The following TEX35 variants were observed in gnomAD, a reference collection of about 807,000 sequenced individuals.
TEX35 encodes the protein testis-expressed protein 35.
Under a neutral mutation model 31.9 loss-of-function variants are expected in TEX35, and 26 were observed. The observed-to-expected ratio is 0.81, with a 90% CI of 0.60 to 1.13. The LOEUF is 1.13. TEX35 is among the 50% of genes most tolerant of loss of function. The pLI is 0.00. For missense variants in TEX35, 278 were observed against 273.5 expected (o/e 1.02, Z -0.12); for synonymous variants, 87 against 90.7 (o/e 0.96, Z 0.23).
chr1:178,521,255 T>A lies in TEX35; in HGVS notation c.577T>A (p.Tyr193Asn), dbSNP rs750556920. The A allele has an allele frequency of 6.2e-7, 1 of 1,614,240 alleles. No individual in the cohort carries two copies. The highest frequency in any genetic ancestry group is 1.1e-5 in the South Asian group (1 of 91,090). ...KCLLCALKNN[Y>N]NRGNIPSEAS... is the part of the protein sequence containing the mutation. Reference sequence around the variant, plus strand: ...TTTGTTGTGTGCTCTAAAGAACAACTACAATCGGGGTAGGTAGATTCATAC... The same window carrying A: ...TTTGTTGTGTGCTCTAAAGAACAACAACAATCGGGGTAGGTAGATTCATAC... The change falls in exon 8 of 9, where the codon TAC becomes AAC. Residue 193 changes from tyrosine (Y) to asparagine (N), a missense_variant. Coordinates refer to ENST00000319416, the MANE Select transcript of TEX35 (RefSeq NM_032126.5).
intron 6 of TEX35, 96 bp from the exon 7 acceptor site, chr1:178,520,577 A>C: frequency 6.3e-7 from 1 of 1,593,774 alleles, no homozygotes; most frequent in Non-Finnish European, 8.6e-7. Flanking sequence ...ACTTGGAGTC[A>C]AGGCCTTCCA....
At chr1:178,517,210 A>G (rs559647222) in intron 5 of TEX35, among the ~76,000 whole-genome samples, 2 of 152,344 alleles carry the variant, frequency 1.3e-5, no homozygotes, top group South Asian at 4.1e-4. Flanking sequence ...CATTAGCCTT[A>G]CCAGATATTA....
At chr1:178,521,965 C>T (rs997891828) in intron 8 of TEX35, 4 of 961,816 alleles carry the variant, frequency 4.2e-6, no homozygotes, top group African/African-American at 1.7e-5. Context: ...TTAGGGTCCT[C>T]CCAACCACCA....
intron 5 of TEX35, among the ~76,000 whole-genome samples, chr1:178,519,343 C>A (rs750743210): frequency 6.6e-6 from 1 of 151,972 alleles, no homozygotes; most frequent in Non-Finnish European, 1.5e-5. Flanking sequence ...AAAGTGGTGA[C>A]GATGACAATG....
At position 178,522,647 on chromosome 1, in the gene TEX35, G is replaced by T; in HGVS notation, c.*207G>T. On this transcript the variant is annotated 3_prime_UTR_variant, in exon 9 of 9. Transcript: ENST00000319416. ...TACCATCTAATAAATAATTGGCCAA[G>T]TTCTTTTTTTTTGGAATTTTATTAT... 8.1e-7 allele frequency: 1 copy of T among 1,234,694 alleles called. No homozygotes were observed. The highest frequency in any genetic ancestry group is 1.0e-6 in the Non-Finnish European group (1 of 988,392). The allele number at this position is 1,234,694 out of a possible 1,614,324, so 76.5% of individuals were successfully genotyped here.
intron 6 of TEX35, 98 bp downstream of exon 6, chr1:178,520,534 G>C: frequency 1.9e-6 from 3 of 1,607,642 alleles, no homozygotes; most frequent in Non-Finnish European, 2.5e-6. Context: ...CCAGACTCTT[G>C]GAGGAGTTGT....
At position 178,521,044 on chromosome 1, in the gene TEX35, G is replaced by A. The variant is rs1650259503; in HGVS notation, c.543+170G>A. ...CTCCCTGACCTGCCTTGCCTTCTAGGCCTGTGGAGCCTCCTTAGCTGTGAC... is the reference window on the plus strand; with the variant it reads ...CTCCCTGACCTGCCTTGCCTTCTAGACCTGTGGAGCCTCCTTAGCTGTGAC... On this transcript the variant is annotated intron_variant, in intron 7 of 8. Coordinates refer to ENST00000319416, the MANE Select transcript of TEX35 (RefSeq NM_032126.5). 3 of 1,545,624 alleles carry A rather than the reference G, an allele frequency of 1.9e-6. No individual in the cohort carries two copies. The South Asian group carries it at 3.8e-5, about 19-fold the overall frequency.
downstream of TEX35, chr1:178,523,346 T>G: frequency 1.5e-6 from 1 of 687,796 alleles, no homozygotes; most frequent in Non-Finnish European, 2.6e-6. Context: ...GTAGCTCAAT[T>G]TTTAGTTTTT....
In TEX35 at chr1:178,514,775, G is replaced by A. The variant is rs757540441; in HGVS notation, c.159+7G>A. On this transcript the variant is annotated splice_region_variant and intron_variant, in intron 3 of 8. Coordinates refer to ENST00000319416, the MANE Select transcript of TEX35 (RefSeq NM_032126.5). ...AGTGACACAGGACCTAAAGGTGAGT[G>A]CGTGAACTTGGAGGCATGTCTATAT... 1.2e-6 allele frequency: 2 copies of A among 1,612,732 alleles called. No homozygotes were observed. The highest frequency in any genetic ancestry group is 4.5e-5 in the East Asian group (2 of 44,858).
At chr1:178,518,927 C>G (rs1650172715) in intron 5 of TEX35, among the ~76,000 whole-genome samples, 1 of 151,752 alleles carries the variant, frequency 6.6e-6, no homozygotes, top group Non-Finnish European at 1.5e-5. Flanking sequence ...GAAGTGGGAC[C>G]ACTGGGGGAA....
intron 8 of TEX35, chr1:178,521,903 A>C: frequency 1.5e-6 from 2 of 1,360,708 alleles, no homozygotes; most frequent in Non-Finnish European, 1.9e-6. Flanking sequence ...TCAGACTCCA[A>C]CCCTTCCCCC....
Position 178,513,141 on chromosome 1 carries a change from C to G in TEX35, c.-48C>G, listed in dbSNP as rs375218965. 4.0e-5 allele frequency: 64 copies of G among 1,605,084 alleles called. No individual in the cohort carries two copies. Among genetic ancestry groups the G allele is most frequent in the Non-Finnish European group, 5.2e-5 (61 of 1,172,408 alleles). ...AAGTTGCCTAGGACAGTGGCCTGGT[C>G]CCAGGGGCTGTTGTGGGGAGTTGAA... On this transcript the variant is annotated 5_prime_UTR_variant, in exon 1 of 9. Transcript: ENST00000319416.
Position 178,513,724 on chromosome 1 carries a change from T to G in TEX35, c.40-303T>G, listed in dbSNP as rs973798589. Among the ~76,000 whole-genome samples the G allele has an allele frequency of 3.9e-5, 6 of 152,228 alleles. No homozygotes were observed. In the South Asian group the frequency reaches 6.2e-4, roughly 16 times the overall value. Reference sequence around the variant, plus strand: ...AAGCCCTTGCTCTGGAAACAACACTTCCGGGGCTTGCTTCTAGTTATCTTA... The same window carrying G: ...AAGCCCTTGCTCTGGAAACAACACTGCCGGGGCTTGCTTCTAGTTATCTTA... On this transcript the variant is annotated intron_variant, in intron 1 of 8. Coordinates refer to ENST00000319416, the MANE Select transcript of TEX35 (RefSeq NM_032126.5).
rs1476506856 is a variant in TEX35 at position 178,516,620 on chromosome 1, G to C, written c.222G>C (p.Lys74Asn). 6.2e-7 allele frequency: 1 copy of C among 1,613,052 alleles called. No individual in the cohort carries two copies. The highest frequency in any genetic ancestry group is 2.2e-5 in the East Asian group (1 of 44,874). Reference protein sequence around the residue: ...KEKMEEIKQIKDLMDKDFDKL... With the variant: ...KEKMEEIKQINDLMDKDFDKL... ...ATGCCTTTCTTCCTTGTTAGATAAAGGATCTAATGGACAAGGATTTTGATA... is the reference window on the plus strand; with the variant it reads ...ATGCCTTTCTTCCTTGTTAGATAAACGATCTAATGGACAAGGATTTTGATA... Residue 74 changes from lysine to asparagine, a missense_variant, in exon 5 of 9, where the codon AAG becomes AAC. Lys to Asn is a moderately conservative substitution (Grantham distance 94, BLOSUM62 0). Coordinates refer to ENST00000319416, the MANE Select transcript of TEX35 (RefSeq NM_032126.5).
rs926257046 is a variant in TEX35, at chr1:178,521,283, G to T, written c.586+19G>T. The T allele has an allele frequency of 6.2e-7, 1 of 1,614,032 alleles. No individual in the cohort carries two copies. Among genetic ancestry groups the T allele is most frequent in the African/African-American group, 1.3e-5 (1 of 74,942 alleles). ...AATCGGGGTAGGTAGATTCATACAA[G>T]ATGTGCCTTTTCTCGATCAGGTGCC... On this transcript the variant is annotated intron_variant, in intron 8 of 8. Coordinates refer to ENST00000319416, the MANE Select transcript of TEX35 (RefSeq NM_032126.5).
intron 6 of TEX35, 36 bp from the exon 7 acceptor site, chr1:178,520,637 C>T (rs755851740): frequency 6.2e-7 from 1 of 1,606,276 alleles, no homozygotes; most frequent in South Asian, 1.1e-5. Context: ...AAATGTCTCC[C>T]CAACTCTCTG....
Position 178,521,357 on chromosome 1 carries a change from C to T in TEX35, c.586+93C>T, listed in dbSNP as rs1650270944. The T allele has an allele frequency of 1.1e-5, 16 of 1,423,172 alleles. No homozygotes were observed. In the South Asian group the frequency reaches 1.5e-4, roughly 13 times the overall value. The allele number at this position is 1,423,172 out of a possible 1,614,324, so 88.2% of individuals were successfully genotyped here. ...TCCCAGCCGCATTCACATCACACCC[C>T]TCCTGAGGTTGTGCCAGGAGTAGGG... is the stretch of plus-strand genomic sequence containing the variant. On this transcript the variant is annotated intron_variant, in intron 8 of 8. Transcript: ENST00000319416.
At chr1:178,514,655 C>T in intron 2 of TEX35, 45 bp from the exon 3 acceptor site, 1 of 1,582,316 alleles carries the variant, frequency 6.3e-7, no homozygotes, top group Non-Finnish European at 8.7e-7. Flanking sequence ...CTTCCACCGC[C>T]CATCTGCAAT....
At chr1:178,521,073 G>A in intron 7 of TEX35, 149 bp from the exon 8 acceptor site, 1 of 1,569,640 alleles carries the variant, frequency 6.4e-7, no homozygotes, top group Non-Finnish European at 8.6e-7. Context: ...CTGTGACCAT[G>A]CAGGACTTGA....
Sources: allele counts gnomAD v4.1 joint callset (sites outside exome capture counted in the v4.1 genomes callset), GRCh38; gene constraint gnomAD v4.1.1; transcripts MANE v1.5; gene names NCBI Gene and HGNC (gene_info 2026-07-23, HGNC 2026-07-21).